NELL1: variants seen among roughly 807,000 people sequenced by gnomAD.
NELL1 encodes protein kinase C-binding protein NELL1.
In NELL1, 76 loss-of-function variants were observed where a neutral mutation model predicts 107.4. That is an observed-to-expected ratio of 0.71 (90% CI 0.59 to 0.86). The LOEUF is 0.86. Ranked by LOEUF, NELL1 falls within the 40% of genes least tolerant of loss-of-function variation. The pLI, the probability that NELL1 is intolerant of heterozygous loss-of-function variation, is 0.00. For synonymous variants in NELL1, 353 were observed against 341.2 expected, an observed-to-expected ratio of 1.03 and a Z score of -0.38; for missense variants, 1,024 against 1,005.5, an observed-to-expected ratio of 1.02 and a Z score of -0.25.
At chr11:21,127,006 G>C (rs1565073519) in intron 13 of NELL1, among the ~76,000 whole-genome samples, 1 of 152,176 alleles carries the variant, frequency 6.6e-6, no homozygotes, top group Non-Finnish European at 1.5e-5. Context: ...TTTGTTCCCT[G>C]AGAAGGGAAG....
chr11:20,953,993 T>C (rs932837467), intron 11 of NELL1, among the ~76,000 whole-genome samples: 19 of 152,320 alleles, frequency 1.2e-4, no homozygotes, highest in African/African-American at 4.3e-4. Context: ...AAATTTGCTG[T>C]TCTTAGGAGG....
At chr11:21,457,159 G>A (rs1853767536) in intron 15 of NELL1, among the ~76,000 whole-genome samples, 1 of 152,164 alleles carries the variant, frequency 6.6e-6, no homozygotes, top group African/African-American at 2.4e-5. Flanking sequence ...TTCTACCTGA[G>A]CAAGCAGGAA....
intron 3 of NELL1, among the ~76,000 whole-genome samples, chr11:20,824,203 TGAA>T (rs764384125): frequency 2.6e-5 from 4 of 151,242 alleles, no homozygotes; most frequent in Non-Finnish European, 5.9e-5. Flanking sequence ...TGCTGCCATG[TGAA>T]GAAGGACGTA....
intron 15 of NELL1, among the ~76,000 whole-genome samples, chr11:21,510,593 C>T (rs949848989): frequency 1.3e-5 from 2 of 152,120 alleles, no homozygotes; most frequent in Non-Finnish European, 2.9e-5. Flanking sequence ...TGTTATGATC[C>T]AGCCTGGCAG....
At chr11:20,939,768 G>A (rs1412492887) in intron 10 of NELL1, among the ~76,000 whole-genome samples, 1 of 152,120 alleles carries the variant, frequency 6.6e-6, no homozygotes, top group Admixed American at 6.5e-5. Flanking sequence ...AGGTGATGAC[G>A]AGATACTGGT....
intron 15 of NELL1, among the ~76,000 whole-genome samples, chr11:21,475,201 T>C (rs1854296801): frequency 6.6e-6 from 1 of 152,182 alleles, no homozygotes; most frequent in African/African-American, 2.4e-5. Flanking sequence ...GAAAGAACTT[T>C]TATTTATTTT....
chr11:20,841,322 T>G (rs1251990871), intron 3 of NELL1, among the ~76,000 whole-genome samples: 1 of 149,962 alleles, frequency 6.7e-6, no homozygotes, highest in Admixed American at 6.7e-5. Flanking sequence ...TGCTCATGTT[T>G]TTTTTTTTTT....
intron 15 of NELL1, among the ~76,000 whole-genome samples, chr11:21,526,193 C>T (rs577602995): frequency 1.3e-5 from 2 of 152,182 alleles, no homozygotes; most frequent in African/African-American, 4.8e-5. Context: ...ACAGGCCCCA[C>T]ACAAGTCTGA....
intron 15 of NELL1, among the ~76,000 whole-genome samples, chr11:21,391,697 T>A (rs11828392): frequency 0.044 from 6,656 of 151,808 alleles, 202 homozygotes; most frequent in Non-Finnish European, 0.062. Flanking sequence ...CAGTCTGGAG[T>A]GCGGTAATGC....
chr11:21,077,401 C>T (rs1590614241), intron 12 of NELL1, among the ~76,000 whole-genome samples: 1 of 152,228 alleles, frequency 6.6e-6, no homozygotes, highest in South Asian at 2.1e-4. Flanking sequence ...AGATGATAGG[C>T]ATCTTGACTG....
chr11:20,692,544 C>A (rs1040756004), intron 2 of NELL1, among the ~76,000 whole-genome samples: 5 of 150,318 alleles, frequency 3.3e-5, no homozygotes, highest in Admixed American at 2.6e-4. Context: ...TCCTTATGTA[C>A]CCAGTAGTCA....
chr11:20,956,628 A>AG (rs1851180174), intron 11 of NELL1, among the ~76,000 whole-genome samples: 1 of 150,794 alleles, frequency 6.6e-6, no homozygotes, highest in African/African-American at 2.5e-5. Flanking sequence ...CCTGGGCAAC[A>AG]GAGCGAGACT....
At chr11:20,712,303 A>G (rs1182404267) in intron 2 of NELL1, among the ~76,000 whole-genome samples, 2 of 146,176 alleles carry the variant, frequency 1.4e-5, no homozygotes, top group African/African-American at 5.2e-5. Context: ...TCCAGAAATT[A>G]TAATTTTTTT....
intron 3 of NELL1, among the ~76,000 whole-genome samples, chr11:20,845,363 C>G (rs746555347): frequency 3.3e-5 from 5 of 152,072 alleles, no homozygotes; most frequent in Non-Finnish European, 7.4e-5. Context: ...GGCCACAACC[C>G]CAAGAATAAT....
chr11:21,231,972 C>T (rs1468897779), intron 14 of NELL1, among the ~76,000 whole-genome samples: 1 of 151,666 alleles, frequency 6.6e-6, no homozygotes, highest in Non-Finnish European at 1.5e-5. Flanking sequence ...GCTTTCATTA[C>T]TGGTGAATTG....
intron 14 of NELL1, among the ~76,000 whole-genome samples, chr11:21,341,560 G>A (rs1850566365): frequency 6.6e-6 from 1 of 152,132 alleles, no homozygotes; most frequent in African/African-American, 2.4e-5. Flanking sequence ...ATATTAATCG[G>A]GAGTGAATTG....
intron 13 of NELL1, among the ~76,000 whole-genome samples, chr11:21,183,910 A>C (rs1856879246): frequency 6.6e-6 from 1 of 151,858 alleles, no homozygotes; most frequent in Non-Finnish European, 1.5e-5. Context: ...AAAAGGAAAA[A>C]AATCTGCGTT....
At chr11:21,409,809 A>G (rs1465272185) in intron 15 of NELL1, among the ~76,000 whole-genome samples, 2 of 148,340 alleles carry the variant, frequency 1.3e-5, no homozygotes, top group Non-Finnish European at 2.9e-5. Flanking sequence ...GCCTTCTTAC[A>G]GATCATAGCT....
intron 15 of NELL1, among the ~76,000 whole-genome samples, chr11:21,373,487 G>A (rs1851401558): frequency 6.6e-6 from 1 of 152,052 alleles, no homozygotes. Flanking sequence ...TCCCATTTGA[G>A]CTATATAGAA....
Sources: allele counts gnomAD v4.1 joint callset (sites outside exome capture counted in the v4.1 genomes callset), GRCh38; gene constraint gnomAD v4.1.1; transcripts MANE v1.5; gene names NCBI Gene and HGNC (gene_info 2026-07-23, HGNC 2026-07-21).